The following SLC35B4 variants were observed in gnomAD, a reference collection of about 807,000 sequenced individuals.
SLC35B4 encodes the protein solute carrier family 35 member B4, also known as nucleotide sugar transporter SLC35B4.
SLC35B4 carries 28 observed loss-of-function variants against 39.5 expected under a neutral mutation model. The ratio of observed to expected loss-of-function variants is 0.71; its 90% CI spans 0.53 to 0.97. The LOEUF (loss-of-function observed/expected upper bound fraction) is 0.97, where lower values mean the gene tolerates loss of function less well. SLC35B4 is among the 50% of genes least tolerant of loss of function. The pLI is 0.00. For missense variants in SLC35B4, 334 were observed against 414.3 expected, an observed-to-expected ratio of 0.81 and a Z score of 1.68; for synonymous variants, 145 against 150.4, an observed-to-expected ratio of 0.96 and a Z score of 0.26.
chr7:134,312,768 G>A (rs1803874159), intron 1 of SLC35B4, among the ~76,000 whole-genome samples: 1 of 152,106 alleles, frequency 6.6e-6, no homozygotes, highest in South Asian at 2.1e-4. Context: ...TTCTAAAGAC[G>A]CTGAGGGTCC....
chr7:134,302,312 G>C (rs1226621766), intron 4 of SLC35B4, among the ~76,000 whole-genome samples: 1 of 152,150 alleles, frequency 6.6e-6, no homozygotes, highest in Admixed American at 6.5e-5. Context: ...CTTTTCCTTA[G>C]TACTGTTTAG....
Position 134,316,703 on chromosome 7 carries a change from T to A in SLC35B4, c.49A>T (p.Asn17Tyr). ...VGLVFAGCCS[N>Y]VIFLELLARK... The stretch of plus-strand genomic sequence containing the variant: ...GCCAGGAGCTCTAGGAAGATCACGT[T>A]ACTGCAGCAGCCTGCGAACACCAGG... The change falls in exon 1 of 10, where the codon AAC becomes TAC. Residue 17 changes from asparagine to tyrosine, a missense_variant. By Grantham distance (143) the Asn-to-Tyr change is moderately radical. Transcript: ENST00000378509. The A allele has an allele frequency of 1.3e-6, 2 of 1,550,592 alleles. No individual in the cohort carries two copies. The highest frequency in any genetic ancestry group is 1.7e-6 in the Non-Finnish European group (2 of 1,146,752).
rs111632048 is a variant in SLC35B4, at chr7:134,314,327, C to T, written c.77+2348G>A. Among the ~76,000 whole-genome samples, 1,490 of 152,232 alleles carry T rather than the reference C, an allele frequency of 9.8e-3. 20 individuals carry two copies. Among genetic ancestry groups the T allele is most frequent in the African/African-American group, 0.034 (1,415 of 41,522 alleles). On this transcript the variant is annotated intron_variant, in intron 1 of 9. Coordinates refer to ENST00000378509, the MANE Select transcript of SLC35B4 (RefSeq NM_032826.5). ...CTGGTAGAACCATCATCACCATCAC[C>T]CCCTTTTACAGTTGGGTCAGACTCA...
chr7:134,305,160 A>T (rs1803677696), intron 3 of SLC35B4, among the ~76,000 whole-genome samples: 1 of 152,080 alleles, frequency 6.6e-6, no homozygotes, highest in South Asian at 2.1e-4. Flanking sequence ...TGTCTCTACT[A>T]AAAAATACGA....
intron 3 of SLC35B4, 26 bp from the exon 4 acceptor site, chr7:134,304,880 A>G: frequency 1.3e-6 from 2 of 1,599,716 alleles, no homozygotes; most frequent in Middle Eastern, 1.7e-4. Context: ...ACAGTAACAG[A>G]GAGGTTTAGT....
In SLC35B4 at chr7:134,294,849, T is replaced by C; in HGVS notation, c.980A>G (p.Asp327Gly). The part of the protein sequence containing the change: ...LGTTKSEPQK[D>G]SKKN ...AGACAGGCCTCAGTTCTTCTTGCTGTCCTTCTGAGGCTCACTTTTTGTGGT... is the reference window on the plus strand; with the variant it reads ...AGACAGGCCTCAGTTCTTCTTGCTGCCCTTCTGAGGCTCACTTTTTGTGGT... Residue 327 changes from aspartate (D) to glycine (G), a missense_variant, in exon 10 of 10, where the codon GAC (aspartate) becomes GGC (glycine). Transcript: ENST00000378509. 1 of 1,614,104 alleles carries C rather than the reference T, an allele frequency of 6.2e-7. No individual in the cohort carries two copies. Among genetic ancestry groups the C allele is most frequent in the South Asian group, 1.1e-5 (1 of 91,058 alleles).
rs1402187321 is a variant in SLC35B4, at chr7:134,294,926, C to G, written c.903G>C (p.Leu301Phe). ...ACATTAAGGTCCCAATGAAGACAAACAAGGTGCCCAGCCAGTGCCACAGGG... is the reference window on the plus strand; with the variant it reads ...ACATTAAGGTCCCAATGAAGACAAAGAAGGTGCCCAGCCAGTGCCACAGGG... ...PFTLWHWLGT[L>F]FVFIGTLMYT... Residue 301 changes from leucine to phenylalanine, a missense_variant, in exon 10 of 10, where the codon TTG (leucine) becomes TTC (phenylalanine). Physicochemically the swap from Leu to Phe is conservative, Grantham distance 22 (BLOSUM62 0). Coordinates refer to ENST00000378509, the MANE Select transcript of SLC35B4 (RefSeq NM_032826.5). 1 of 1,614,116 alleles carries G rather than the reference C, an allele frequency of 6.2e-7. No individual in the cohort carries two copies. Among genetic ancestry groups the G allele is most frequent in the Admixed American group, 1.7e-5 (1 of 60,020 alleles).
rs144513916 is a variant in SLC35B4 at position 134,294,739 on chromosome 7, G to A, written c.*94C>T. On this transcript the variant is annotated 3_prime_UTR_variant, in exon 10 of 10. Transcript: ENST00000378509. ...TTTTGCACGGCTGGCTCAGCACTGC[G>A]GGTAGCTCGGCATTAACAAAAGCGA... 64 of 1,507,690 alleles carry A rather than the reference G, an allele frequency of 4.2e-5. No homozygotes were observed. The East Asian group carries it at 8.0e-4, about 19-fold the overall frequency. The allele number at this position is 1,507,690 out of a possible 1,614,324, so 93.4% of individuals were successfully genotyped here. A position where few individuals can be genotyped will look rare whatever the true frequency, so the allele number is the denominator to read the frequency against.
At chr7:134,299,494 G>C (rs1394604383) in intron 8 of SLC35B4, 29 bp downstream of exon 8, 1 of 1,561,318 alleles carries the variant, frequency 6.4e-7, no homozygotes, top group South Asian at 1.1e-5. Context: ...AAACTGTCAG[G>C]TAATTCTACT....
At chr7:134,311,909 C>G (rs1009963821) in intron 1 of SLC35B4, among the ~76,000 whole-genome samples, 1 of 152,102 alleles carries the variant, frequency 6.6e-6, no homozygotes, top group African/African-American at 2.4e-5. Flanking sequence ...GGTTGAGAAC[C>G]ACTATGCTCC....
Position 134,294,819 on chromosome 7 carries a change from A to G in SLC35B4, c.*14T>C, listed in dbSNP as rs757903543. On this transcript the variant is annotated 3_prime_UTR_variant, in exon 10 of 10. Transcript: ENST00000378509. ...CCCTCACGACGACACTGGTCTACGT[A>G]CTCCAGACAGGCCTCAGTTCTTCTT... The G allele has an allele frequency of 3.7e-6, 6 of 1,613,354 alleles. No homozygotes were observed. The East Asian group carries it at 8.9e-5, about 24-fold the overall frequency.
chr7:134,310,385 C>G (rs1256641530), intron 1 of SLC35B4, among the ~76,000 whole-genome samples: 2 of 152,176 alleles, frequency 1.3e-5, no homozygotes, highest in African/African-American at 4.8e-5. Context: ...ACTCTGAAAA[C>G]TAGTCATTTA....
In SLC35B4 at chr7:134,291,289, CA is replaced by C. The variant is rs1390062275; in HGVS notation, c.*3543del. 1.3e-5 allele frequency: 2 copies of C among 152,114 alleles called. No homozygotes were observed. Among genetic ancestry groups the C allele is most frequent in the Non-Finnish European group, 2.9e-5 (2 of 68,030 alleles). 9.4% of individuals were successfully genotyped at this position (152,114 alleles called of 1,614,324 possible). On this transcript the variant is annotated 3_prime_UTR_variant, in exon 10 of 10. Transcript: ENST00000378509. ...TTCTCACTATTATGAATGTACCCCC[CA>C]ATATCAATGCTTGTAAGAATGTATA...
chr7:134,311,329 C>T (rs1429307697), intron 1 of SLC35B4, among the ~76,000 whole-genome samples: 3 of 152,124 alleles, frequency 2.0e-5, no homozygotes, highest in Non-Finnish European at 4.4e-5. Context: ...CTTTGGAACT[C>T]GGGCCAGCCT....
rs1372758932 is a variant in SLC35B4 at position 134,299,513 on chromosome 7, C to G, written c.673+10G>C. On this transcript the variant is annotated intron_variant, in intron 8 of 9. Coordinates refer to ENST00000378509, the MANE Select transcript of SLC35B4 (RefSeq NM_032826.5). ...TGTCAGGTAATTCTACTGTCTAACC[C>G]CAAACTCACCAGACTTATTGAATAG... 6.2e-7 allele frequency: 1 copy of G among 1,610,742 alleles called. No individual in the cohort carries two copies. The highest frequency in any genetic ancestry group is 1.7e-5 in the Admixed American group (1 of 59,990).
chr7:134,316,527 G>T (rs1412339009), intron 1 of SLC35B4, 148 bp downstream of exon 1: 1 of 755,344 alleles, frequency 1.3e-6, no homozygotes, highest in East Asian at 2.7e-5. Context: ...CAGACAGGAC[G>T]GATTGCTGGG....
At chr7:134,296,896 A>G (rs1263792060) in intron 8 of SLC35B4, among the ~76,000 whole-genome samples, 22 of 152,252 alleles carry the variant, frequency 1.4e-4, no homozygotes, top group Admixed American at 1.4e-3. Flanking sequence ...GTACCATTTT[A>G]TAGCTACAAA....
At chr7:134,304,894 C>T (rs765157768) in intron 3 of SLC35B4, 40 bp from the exon 4 acceptor site, 1 of 1,531,668 alleles carries the variant, frequency 6.5e-7, no homozygotes, top group East Asian at 2.3e-5. Context: ...GTTTAGTGCA[C>T]TAGGAAAAAA....
At chr7:134,311,031 C>T (rs1803824279) in intron 1 of SLC35B4, among the ~76,000 whole-genome samples, 1 of 152,150 alleles carries the variant, frequency 6.6e-6, no homozygotes, top group Admixed American at 6.5e-5. Context: ...AAAAATAAGA[C>T]AATACAGGCA....
Sources: allele counts gnomAD v4.1 joint callset (sites outside exome capture counted in the v4.1 genomes callset), GRCh38; gene constraint gnomAD v4.1.1; transcripts MANE v1.5; gene names NCBI Gene and HGNC (gene_info 2026-07-23, HGNC 2026-07-21).